Variants in COL22A1 observed in about 807,000 individuals in gnomAD.
COL22A1 encodes collagen alpha-1(XXII) chain.
In COL22A1, 221 loss-of-function variants were observed where a neutral mutation model predicts 248.9. The observed-to-expected ratio is 0.89, with a 90% CI of 0.80 to 0.99. COL22A1 has a LOEUF of 0.99. Ranked by LOEUF, COL22A1 falls within the 50% of genes least tolerant of loss-of-function variation. COL22A1 has a pLI of 0.00. For synonymous variants in COL22A1, 891 were observed against 793.4 expected, an observed-to-expected ratio of 1.12 and a Z score of -2.07; for missense variants, 2,240 against 2,179.0, an observed-to-expected ratio of 1.03 and a Z score of -0.56.
Position 138,626,260 on chromosome 8 carries a change from A to T in COL22A1, c.3664-17T>A. On this transcript the variant is annotated splice_polypyrimidine_tract_variant and intron_variant, in intron 50 of 64. Transcript: ENST00000303045. ...TTCTTTCCCCTAAAAGATCCAAGAC[A>T]TAAAAACACCATGAAACCTCTGCTG... 1 of 1,603,082 alleles carries T rather than the reference A, an allele frequency of 6.2e-7. No individual in the cohort carries two copies. The highest frequency in any genetic ancestry group is 1.1e-5 in the South Asian group (1 of 89,728).
intron 36 of COL22A1, among the ~76,000 whole-genome samples, 185 bp from the exon 37 acceptor site, chr8:138,689,155 T>C (rs1034289660): frequency 4.6e-5 from 4 of 86,628 alleles, no homozygotes; most frequent in Non-Finnish European, 7.6e-5. Context: ...ACTGCTGCTC[T>C]CCCGGGGGGG....
chr8:138,602,122 C>A lies in COL22A1; in HGVS notation c.4178G>T (p.Gly1393Val). ...CCTGTGCTCTCCACTCACCCTTTCT[C>A]CTTTGAATCCAGGCTCTCCAGGCTT... ...PGKPGEPGFK[G>V]ERGDPGIKGD... The change falls in exon 60 of 65, where the codon GGA becomes GTA. Residue 1393 changes from glycine to valine, a missense_variant. By Grantham distance (109) the Gly-to-Val change is moderately radical. Transcript: ENST00000303045. The A allele has an allele frequency of 6.2e-7, 1 of 1,614,142 alleles. No individual in the cohort carries two copies. Among genetic ancestry groups the A allele is most frequent in the Admixed American group, 1.7e-5 (1 of 60,020 alleles).
intron 61 of COL22A1, among the ~76,000 whole-genome samples, chr8:138,598,095 C>T (rs770952553): frequency 2.0e-5 from 3 of 152,162 alleles, no homozygotes; most frequent in Admixed American, 1.3e-4. Flanking sequence ...GGGATCTCTG[C>T]GTTTATCTTT....
chr8:138,777,369 G>A (rs933966588), intron 15 of COL22A1, among the ~76,000 whole-genome samples: 1 of 152,084 alleles, frequency 6.6e-6, no homozygotes, highest in Non-Finnish European at 1.5e-5. Context: ...TAAATATTTT[G>A]GTCACACACA....
chr8:138,893,346 G>A (rs1825194899), intron 1 of COL22A1, among the ~76,000 whole-genome samples: 1 of 152,190 alleles, frequency 6.6e-6, no homozygotes, highest in Non-Finnish European at 1.5e-5. Context: ...GCAAACTAGG[G>A]GAATTCACTT....
rs910083833 is a variant in COL22A1, at chr8:138,841,629, T to C, written c.733+2455A>G. Among the ~76,000 whole-genome samples the C allele has an allele frequency of 3.3e-5, 5 of 152,152 alleles. No homozygotes were observed. In the East Asian group the frequency reaches 9.7e-4, roughly 29 times the overall value. ...AACCTCTTCTGCAGAGTAGGAAGCA[T>C]GGACTAGATTCTAGGAGCCAAGGAA... On this transcript the variant is annotated intron_variant, in intron 4 of 64. Transcript: ENST00000303045.
intron 3 of COL22A1, among the ~76,000 whole-genome samples, chr8:138,861,571 T>C (rs1018292353): frequency 6.6e-6 from 1 of 152,194 alleles, no homozygotes; most frequent in African/African-American, 2.4e-5. Context: ...TCTCTGTACA[T>C]GTTCCTGGGT....
chr8:138,902,570 G>T (rs1433562139), intron 1 of COL22A1, among the ~76,000 whole-genome samples: 1 of 151,812 alleles, frequency 6.6e-6, no homozygotes, highest in Non-Finnish European at 1.5e-5. Context: ...GCCAGGTGTG[G>T]TGGTGGGCGC....
At position 138,883,251 on chromosome 8, in the gene COL22A1, G is replaced by C; in HGVS notation, c.-72-7C>G. The C allele has an allele frequency of 7.3e-7, 1 of 1,374,312 alleles. No homozygotes were observed. The highest frequency in any genetic ancestry group is 1.3e-5 in the South Asian group (1 of 78,400). The allele number at this position is 1,374,312 out of a possible 1,614,324, so 85.1% of individuals were successfully genotyped here. On this transcript the variant is annotated splice_polypyrimidine_tract_variant and splice_region_variant and intron_variant, in intron 1 of 64. Transcript: ENST00000303045. ...GGGTCTACAGCAGCATGGCCTGTGT[G>C]GAGAAAGACACCCTTAGAGAAGGCT...
In COL22A1 at chr8:138,813,106, T is replaced by C. The variant is rs576156853; in HGVS notation, c.1246-87A>G. On this transcript the variant is annotated intron_variant, in intron 7 of 64. Transcript: ENST00000303045. ...TGGTTTCACACAGGCCCCGTCCTGGTATCTGGTTCCACTTCCTCTTTGGGG... is the reference window on the plus strand; with the variant it reads ...TGGTTTCACACAGGCCCCGTCCTGGCATCTGGTTCCACTTCCTCTTTGGGG... 1.1e-5 allele frequency: 11 copies of C among 980,630 alleles called. No homozygotes were observed. The East Asian group carries it at 1.7e-4, about 15-fold the overall frequency. The allele number at this position is 980,630 out of a possible 1,614,324, so 60.7% of individuals were successfully genotyped here.
In COL22A1 at chr8:138,867,829, C is replaced by T. The variant is rs140319783; in HGVS notation, c.658+9921G>A. Among the ~76,000 whole-genome samples the T allele has an allele frequency of 6.6e-5, 10 of 152,264 alleles. No homozygotes were observed. In the East Asian group the frequency reaches 1.4e-3, roughly 21 times the overall value. On this transcript the variant is annotated intron_variant, in intron 3 of 64. Coordinates refer to ENST00000303045, the MANE Select transcript of COL22A1 (RefSeq NM_152888.3). ...GTCGCCAGACTGGAGTTCAGTGGCA[C>T]GATCTCGGCTCACTGCAACCTGACT...
At chr8:138,780,250 T>C (rs1183366649) in intron 13 of COL22A1, among the ~76,000 whole-genome samples, 1 of 152,172 alleles carries the variant, frequency 6.6e-6, no homozygotes, top group Non-Finnish European at 1.5e-5. Context: ...TTCTCCCTTG[T>C]CTCCAGGATC....
chr8:138,886,668 G>A (rs1428261119), intron 1 of COL22A1, among the ~76,000 whole-genome samples: 3 of 152,302 alleles, frequency 2.0e-5, no homozygotes, highest in Non-Finnish European at 4.4e-5. Flanking sequence ...ATAGAAAAGA[G>A]TATTAAGAGC....
intron 37 of COL22A1, among the ~76,000 whole-genome samples, chr8:138,688,670 C>T (rs568387684): frequency 1.1e-3 from 165 of 152,216 alleles, no homozygotes; most frequent in Admixed American, 2.1e-3. Flanking sequence ...AGACACAGAG[C>T]AAACTAATTA....
chr8:138,832,387 C>G (rs576695089), intron 5 of COL22A1, among the ~76,000 whole-genome samples: 1 of 152,076 alleles, frequency 6.6e-6, no homozygotes, highest in African/African-American at 2.4e-5. Context: ...GTAACAATGT[C>G]ATTTTTGTTT....
At chr8:138,870,514 G>C (rs1310665149) in intron 3 of COL22A1, among the ~76,000 whole-genome samples, 1 of 151,622 alleles carries the variant, frequency 6.6e-6, no homozygotes. Context: ...GCTGTGTGTG[G>C]TGTTTGTGCA....
intron 15 of COL22A1, chr8:138,778,041 T>C: frequency 2.2e-6 from 1 of 445,110 alleles, no homozygotes; most frequent in African/African-American, 2.0e-5. Flanking sequence ...CTGGGGAAAA[T>C]GAATTCTTTA....
At chr8:138,707,253 T>C (rs985533930) in intron 30 of COL22A1, among the ~76,000 whole-genome samples, 9 of 152,080 alleles carry the variant, frequency 5.9e-5, no homozygotes, top group Non-Finnish European at 1.2e-4. Context: ...TTCCAATCAA[T>C]AGAAAAAGAA....
chr8:138,746,142 G>A (rs1228152948), intron 22 of COL22A1, among the ~76,000 whole-genome samples: 1 of 152,168 alleles, frequency 6.6e-6, no homozygotes, highest in Non-Finnish European at 1.5e-5. Context: ...TTACTTTGCC[G>A]AGGATTATCC....
Sources: gnomAD v4.1 joint callset for allele counts (sites outside exome capture counted in the v4.1 genomes callset) on GRCh38, gnomAD v4.1.1 for gene constraint, MANE v1.5 for transcripts, NCBI Gene and HGNC (gene_info 2026-07-23, HGNC 2026-07-21) for gene names.